RBFOX3: variants seen among roughly 807,000 people sequenced by gnomAD.
RBFOX3 encodes the protein RNA binding protein fox-1 homolog 3.
Under a neutral mutation model 48.7 loss-of-function variants are expected in RBFOX3, and 17 were observed. The observed-to-expected ratio is 0.35, with a 90% CI of 0.24 to 0.52. RBFOX3 has a LOEUF of 0.52. RBFOX3 is among the 20% of genes least tolerant of loss of function. The pLI is 0.94. For synonymous variants in RBFOX3, 212 were observed against 209.5 expected (o/e 1.01, Z -0.10); for missense variants, 382 against 497.5 (o/e 0.77, Z 2.21).
chr17:79,179,937 G>A (rs72856463), intron 4 of RBFOX3, among the ~76,000 whole-genome samples: 17,667 of 152,274 alleles, frequency 0.12, 1,149 homozygotes, highest in Non-Finnish European at 0.15. Flanking sequence ...CTAGGCCGGC[G>A]CCCAAGTGGG....
chr17:79,113,877 A>G (rs201688958), intron 5 of RBFOX3, among the ~76,000 whole-genome samples: 1 of 119,196 alleles, frequency 8.4e-6, no homozygotes, highest in Non-Finnish European at 2.0e-5. Context: ...GTGAAGGAAG[A>G]CTTTATGTGT....
chr17:79,637,705 G>A, the RBFOX3 span, among the ~76,000 whole-genome samples: 1 of 144,264 alleles, frequency 6.9e-6, no homozygotes, highest in Non-Finnish European at 1.5e-5. Context: ...AGAAAGGGAA[G>A]GGAAGGGGAG....
At position 79,205,591 on chromosome 17, in the gene RBFOX3, C is replaced by T. The variant is rs1279539652; in HGVS notation, c.-34+30175G>A. Among the ~76,000 whole-genome samples the T allele has an allele frequency of 1.3e-5, 2 of 152,158 alleles. No individual in the cohort carries two copies. The highest frequency in any genetic ancestry group is 2.4e-5 in the African/African-American group (1 of 41,406). On this transcript the variant is annotated intron_variant, in intron 4 of 14. Coordinates refer to ENST00000693108, the MANE Select transcript of RBFOX3 (RefSeq NM_001350451.2). This position sits in a 1 kb window ranked among gnomAD's most constrained non-coding sequence, Gnocchi z 4.5. ...TCCACTATCAAATACTTAAAGGAAG[C>T]AAGGATGAGGTCCCCATCCTATCCT... is the stretch of plus-strand genomic sequence containing the variant.
chr17:79,246,506 C>T (rs555211561), intron 3 of RBFOX3, among the ~76,000 whole-genome samples: 30 of 152,344 alleles, frequency 2.0e-4, no homozygotes, highest in Middle Eastern at 3.4e-3. Context: ...TGGCGCTGCA[C>T]GCCATATTCC....
At chr17:79,437,859 C>A (rs150719300) in intron 2 of RBFOX3, among the ~76,000 whole-genome samples, 1 of 152,372 alleles carries the variant, frequency 6.6e-6, no homozygotes, top group Non-Finnish European at 1.5e-5. Context: ...GACATACATG[C>A]CCTTCCCTTC....
upstream of RBFOX3, among the ~76,000 whole-genome samples, chr17:79,614,161 C>T (rs918471683): frequency 3.9e-5 from 6 of 152,298 alleles, no homozygotes; most frequent in East Asian, 1.9e-4. Context: ...GCTCAGAAGG[C>T]GTGGGGCCCA....
Position 79,203,177 on chromosome 17 carries a change from C to T in RBFOX3, c.-34+32589G>A, listed in dbSNP as rs74001665. On this transcript the variant is annotated intron_variant, in intron 4 of 14. Coordinates refer to ENST00000693108, the MANE Select transcript of RBFOX3 (RefSeq NM_001350451.2). ...TGGGGCCAGACATTGCTAAGGACCA[C>T]GCTGCTGGTGACAGATGGGGCTGTG... 6.7e-3 allele frequency among the ~76,000 whole-genome samples: 1,019 copies of T among 151,022 alleles called. 12 individuals are homozygous for T. Among genetic ancestry groups the T allele is most frequent in the African/African-American group, 0.024 (987 of 40,972 alleles).
At chr17:79,191,527 G>C (rs548896967) in intron 4 of RBFOX3, among the ~76,000 whole-genome samples, 44 of 152,324 alleles carry the variant, frequency 2.9e-4, no homozygotes, top group South Asian at 8.3e-4. Context: ...CAAAGGCCCG[G>C]AGAGGCATTA....
chr17:79,340,029 C>T (rs35769662), intron 2 of RBFOX3, among the ~76,000 whole-genome samples: 29,282 of 152,010 alleles, frequency 0.19, 3,461 homozygotes, highest in Non-Finnish European at 0.27. Flanking sequence ...CCGGGCACGG[C>T]GGCTCACACC....
chr17:79,275,592 C>T (rs938178217), intron 3 of RBFOX3, among the ~76,000 whole-genome samples: 1 of 152,208 alleles, frequency 6.6e-6, no homozygotes, highest in Non-Finnish European at 1.5e-5. Context: ...CCCCAATGGA[C>T]ACAGAAGCAC....
intron 2 of RBFOX3, among the ~76,000 whole-genome samples, chr17:79,333,989 C>T (rs2080802506): frequency 6.6e-6 from 1 of 152,194 alleles, no homozygotes; most frequent in South Asian, 2.1e-4. Flanking sequence ...CCCACCCCTC[C>T]CTTGGGAATT....
intron 1 of RBFOX3, among the ~76,000 whole-genome samples, chr17:79,591,936 T>TGCATGTGTTGTGTGTG (rs1555803219): frequency 0.036 from 5,453 of 149,618 alleles, 349 homozygotes; most frequent in African/African-American, 0.13. Flanking sequence ...TGGAGGGGTG[T>TGCATGTGTTGTGTGTG]GCATGTGTTG....
chr17:79,236,276 A>G (rs530471139), intron 3 of RBFOX3, among the ~76,000 whole-genome samples: 2 of 152,184 alleles, frequency 1.3e-5, no homozygotes, highest in South Asian at 4.1e-4. Context: ...GAGTGTGGTC[A>G]TGGCATGCAC....
chr17:79,290,387 C>G (rs1022465913), intron 3 of RBFOX3, among the ~76,000 whole-genome samples: 1 of 152,100 alleles, frequency 6.6e-6, no homozygotes, highest in Non-Finnish European at 1.5e-5. Flanking sequence ...CTAAGGGCCT[C>G]ATTTTCCCCA....
chr17:79,111,615 T>C lies in RBFOX3; in HGVS notation c.222+3879A>G, dbSNP rs1424853226. Among the ~76,000 whole-genome samples, 1 of 152,164 alleles carries C rather than the reference T, an allele frequency of 6.6e-6. No individual in the cohort carries two copies. Among genetic ancestry groups the C allele is most frequent in the Non-Finnish European group, 1.5e-5 (1 of 68,038 alleles). ...CATGCCCGATTAATTTTTGTATTTT[T>C]GTAGAGACAGGGTTCCACCATCTTG... On this transcript the variant is annotated intron_variant, in intron 5 of 14. Coordinates refer to ENST00000693108, the MANE Select transcript of RBFOX3 (RefSeq NM_001350451.2). This position sits in a 1 kb window ranked among gnomAD's most constrained non-coding sequence, Gnocchi z 4.2.
intron 4 of RBFOX3, among the ~76,000 whole-genome samples, chr17:79,188,313 G>C (rs1009350368): frequency 6.6e-6 from 1 of 152,196 alleles, no homozygotes; most frequent in Non-Finnish European, 1.5e-5. Flanking sequence ...CTCACCTTCC[G>C]GCTCAGCGGG....
chr17:79,472,409 G>A (rs1379556976), intron 2 of RBFOX3, among the ~76,000 whole-genome samples: 2 of 152,316 alleles, frequency 1.3e-5, no homozygotes, highest in Middle Eastern at 3.4e-3. Flanking sequence ...TACGTTAGAT[G>A]TGACCGTATT....
At chr17:79,586,493 C>T (rs1185966811) in intron 1 of RBFOX3, among the ~76,000 whole-genome samples, 1 of 152,154 alleles carries the variant, frequency 6.6e-6, no homozygotes, top group Non-Finnish European at 1.5e-5. Context: ...CGTTTTGGGG[C>T]GTGTTTGTGA....
chr17:79,536,782 C>A (rs2088835054), intron 1 of RBFOX3, among the ~76,000 whole-genome samples: 2 of 152,220 alleles, frequency 1.3e-5, no homozygotes, highest in African/African-American at 4.8e-5. Context: ...CACAAACTCA[C>A]CGGCTTAAAG....
Sources: allele counts gnomAD v4.1 joint callset (sites outside exome capture counted in the v4.1 genomes callset), GRCh38; gene constraint gnomAD v4.1.1; non-coding constraint Gnocchi (gnomAD v3.1); transcripts MANE v1.5; gene names NCBI Gene and HGNC (gene_info 2026-07-23, HGNC 2026-07-21).